The following GRIK2 variants were observed in gnomAD, a reference collection of about 807,000 sequenced individuals.
The protein encoded by GRIK2 is glutamate receptor ionotropic, kainate 2.
Under a neutral mutation model 100.3 loss-of-function variants are expected in GRIK2, and 32 were observed. That is an observed-to-expected ratio of 0.32 (90% CI 0.24 to 0.43). The LOEUF is 0.43. Among genes scored for constraint, GRIK2 ranks in the 20% least tolerant of loss-of-function variants. The pLI, the probability that GRIK2 is intolerant of heterozygous loss-of-function variation, is 1.00. For synonymous variants in GRIK2, 417 were observed against 389.4 expected, an observed-to-expected ratio of 1.07 and a Z score of -0.83; for missense variants, 843 against 1,114.9, an observed-to-expected ratio of 0.76 and a Z score of 3.47.
At chr6:101,872,729 C>T (rs765488477) in intron 11 of GRIK2, among the ~76,000 whole-genome samples, 28 of 151,884 alleles carry the variant, frequency 1.8e-4, no homozygotes, top group Non-Finnish European at 3.7e-4. Flanking sequence ...ATCTTATTCC[C>T]TATTATCATT....
intron 14 of GRIK2, among the ~76,000 whole-genome samples, chr6:101,974,935 TAG>T (rs1180663243): frequency 1.3e-5 from 2 of 151,408 alleles, no homozygotes; most frequent in African/African-American, 4.9e-5. Flanking sequence ...GAAATAAAAA[TAG>T]AGTTAGGTAA....
At chr6:102,058,885 T>C (rs1195748436) in intron 16 of GRIK2, among the ~76,000 whole-genome samples, 1 of 151,514 alleles carries the variant, frequency 6.6e-6, no homozygotes, top group East Asian at 1.9e-4. Context: ...TCAGATATAA[T>C]ATATATGAAG....
intron 7 of GRIK2, among the ~76,000 whole-genome samples, chr6:101,735,538 C>T (rs1252226444): frequency 6.6e-6 from 1 of 152,104 alleles, no homozygotes; most frequent in Non-Finnish European, 1.5e-5. Flanking sequence ...AGGTGGATGG[C>T]AGCAGGCAGA....
chr6:101,449,546 T>C (rs1770553540), intron 2 of GRIK2, among the ~76,000 whole-genome samples: 2 of 151,646 alleles, frequency 1.3e-5, no homozygotes, highest in Non-Finnish European at 3.0e-5. Flanking sequence ...CAAGTAAACT[T>C]GTGTACTTTC....
Position 101,464,556 on chromosome 6 carries a change from C to T in GRIK2, c.115+65164C>T, listed in dbSNP as rs533022284. On this transcript the variant is annotated intron_variant, in intron 2 of 16. Transcript: ENST00000369134. ...TTTTTGAGACAGAGTCTCACTCTGTCGCCAGGCTGGAGTGCAGTGGCACCA... is the reference window on the plus strand; with the variant it reads ...TTTTTGAGACAGAGTCTCACTCTGTTGCCAGGCTGGAGTGCAGTGGCACCA... 1.8e-3 allele frequency among the ~76,000 whole-genome samples: 202 copies of T among 109,516 alleles called. 1 individual carries two copies. Among genetic ancestry groups the T allele is most frequent in the African/African-American group, 6.7e-3 (188 of 28,230 alleles). 71.8% of individuals were successfully genotyped at this position (109,516 alleles called of 152,430 possible). A position where few individuals can be genotyped will look rare whatever the true frequency, so the allele number is the denominator to read the frequency against.
intron 15 of GRIK2, among the ~76,000 whole-genome samples, chr6:102,042,540 A>ATACT (rs1338717360): frequency 6.6e-6 from 1 of 151,690 alleles, no homozygotes; most frequent in Admixed American, 6.6e-5. Context: ...GACTTCAGCA[A>ATACT]TACTTAAAGG....
intron 14 of GRIK2, among the ~76,000 whole-genome samples, chr6:101,983,109 G>C (rs758571006): frequency 6.6e-6 from 1 of 151,716 alleles, no homozygotes; most frequent in Non-Finnish European, 1.5e-5. Context: ...TTATCAACGA[G>C]CTTGAACTTT....
chr6:102,000,376 G>A (rs1794875798), intron 14 of GRIK2, among the ~76,000 whole-genome samples: 1 of 150,594 alleles, frequency 6.6e-6, no homozygotes, highest in Non-Finnish European at 1.5e-5. Flanking sequence ...TATCACCTGG[G>A]TAGTGAGCAT....
chr6:101,712,635 C>T (rs1185726550), intron 7 of GRIK2, among the ~76,000 whole-genome samples: 1 of 151,634 alleles, frequency 6.6e-6, no homozygotes, highest in Non-Finnish European at 1.5e-5. Flanking sequence ...CCAAATACTG[C>T]ATTAAAGTGG....
chr6:101,605,635 G>A (rs1779407598), intron 2 of GRIK2, among the ~76,000 whole-genome samples: 2 of 152,012 alleles, frequency 1.3e-5, no homozygotes, highest in Non-Finnish European at 2.9e-5. Flanking sequence ...CCAAGATCGT[G>A]CCATTGCACT....
chr6:101,724,977 C>T (rs1774758164), intron 7 of GRIK2, among the ~76,000 whole-genome samples: 1 of 151,970 alleles, frequency 6.6e-6, no homozygotes, highest in African/African-American at 2.4e-5. Context: ...CACTTTATTG[C>T]TCTCTGTAAG....
At chr6:101,750,069 C>A (rs942181486) in intron 7 of GRIK2, among the ~76,000 whole-genome samples, 4 of 151,814 alleles carry the variant, frequency 2.6e-5, no homozygotes, top group Admixed American at 6.6e-5. Flanking sequence ...TCTGCCTAGG[C>A]CTCCCAAGGT....
At chr6:101,484,053 G>A (rs995547178) in intron 2 of GRIK2, among the ~76,000 whole-genome samples, 1 of 152,160 alleles carries the variant, frequency 6.6e-6, no homozygotes, top group African/African-American at 2.4e-5. Flanking sequence ...TTTATAACCT[G>A]AATCTTTTTT....
chr6:101,655,554 A>G (rs1782015803), intron 4 of GRIK2, among the ~76,000 whole-genome samples: 2 of 152,164 alleles, frequency 1.3e-5, no homozygotes, highest in Admixed American at 1.3e-4. Context: ...AAAAAAAACC[A>G]CTTCCTCGTA....
intron 2 of GRIK2, among the ~76,000 whole-genome samples, chr6:101,459,144 A>G (rs1771165197): frequency 6.6e-6 from 1 of 152,092 alleles, no homozygotes; most frequent in Non-Finnish European, 1.5e-5. Flanking sequence ...GACCAGAAGC[A>G]GAAAGTGTCA....
intron 2 of GRIK2, among the ~76,000 whole-genome samples, chr6:101,415,602 C>T (rs1222677205): frequency 6.6e-6 from 1 of 151,988 alleles, no homozygotes; most frequent in East Asian, 1.9e-4. Flanking sequence ...GATCTCCTGA[C>T]CTCGTGATCC....
At chr6:101,605,298 C>T (rs1162629957) in intron 2 of GRIK2, among the ~76,000 whole-genome samples, 1 of 151,966 alleles carries the variant, frequency 6.6e-6, no homozygotes, top group Non-Finnish European at 1.5e-5. Flanking sequence ...TGATACTTTC[C>T]TTACCCAGTG....
chr6:101,454,938 A>G (rs1343325115), intron 2 of GRIK2, among the ~76,000 whole-genome samples: 1 of 152,180 alleles, frequency 6.6e-6, no homozygotes, highest in Non-Finnish European at 1.5e-5. Flanking sequence ...TGTATGCAGC[A>G]ATGTATTACC....
intron 7 of GRIK2, among the ~76,000 whole-genome samples, chr6:101,796,911 A>C (rs1025570344): frequency 2.2e-4 from 34 of 152,230 alleles, no homozygotes; most frequent in African/African-American, 8.2e-4. Context: ...ACAGATTTCA[A>C]AGAGTTTTAT....
Sources: allele counts gnomAD v4.1 joint callset (sites outside exome capture counted in the v4.1 genomes callset), GRCh38; gene constraint gnomAD v4.1.1; transcripts MANE v1.5; gene names NCBI Gene and HGNC (gene_info 2026-07-23, HGNC 2026-07-21).